Variants in CLVS1 observed in about 807,000 individuals in gnomAD.
The protein encoded by CLVS1 is clavesin 1.
CLVS1 carries 10 observed loss-of-function variants against 33.1 expected under a neutral mutation model. The observed-to-expected ratio is 0.30, with a 90% confidence interval of 0.19 to 0.51. The LOEUF is 0.51. Among genes scored for constraint, CLVS1 ranks in the 20% least tolerant of loss-of-function variants. The probability of loss-of-function intolerance (pLI) is 0.97; values close to 1 mark genes in which losing one functional copy is unlikely to be tolerated. For missense variants in CLVS1, 343 were observed against 433.4 expected (o/e 0.79, Z 1.85); for synonymous variants, 163 against 166.1 (o/e 0.98, Z 0.14).
chr8:61,473,027 T>C (rs1223799366), intron 5 of CLVS1, among the ~76,000 whole-genome samples: 1 of 152,096 alleles, frequency 6.6e-6, no homozygotes, highest in African/African-American at 2.4e-5. Flanking sequence ...ATAAGTGCTT[T>C]GAAAAGTTAA....
chr8:61,043,956 A>T, the CLVS1 span, among the ~76,000 whole-genome samples: 3 of 152,218 alleles, frequency 2.0e-5, no homozygotes, highest in Non-Finnish European at 4.4e-5. Flanking sequence ...AATACTTTGC[A>T]GCCACTTCTA....
At chr8:61,212,430 C>T (rs1426151722) in intron 2 of CLVS1, among the ~76,000 whole-genome samples, 1 of 152,166 alleles carries the variant, frequency 6.6e-6, no homozygotes, top group Non-Finnish European at 1.5e-5. Flanking sequence ...GGCTGGACTC[C>T]AGAGCGTGAA....
At chr8:61,297,683 T>C (rs1282798468) in intron 1 of CLVS1, among the ~76,000 whole-genome samples, 1 of 152,106 alleles carries the variant, frequency 6.6e-6, no homozygotes, top group Admixed American at 6.6e-5. Context: ...CGGACTGATG[T>C]TGTAGATGGC....
the CLVS1 span, among the ~76,000 whole-genome samples, chr8:60,996,852 CCTT>C: frequency 6.6e-6 from 1 of 152,144 alleles, no homozygotes; most frequent in East Asian, 1.9e-4. Flanking sequence ...TACATCCTGA[CCTT>C]CTCTGCTCTT....
chr8:61,200,294 T>G (rs1807701253), intron 2 of CLVS1, among the ~76,000 whole-genome samples: 2 of 151,726 alleles, frequency 1.3e-5, no homozygotes, highest in South Asian at 4.2e-4. Flanking sequence ...ATTTTTTTTG[T>G]AGTTTTAATA....
At chr8:61,380,227 A>C (rs1178983785) in intron 3 of CLVS1, among the ~76,000 whole-genome samples, 5 of 152,146 alleles carry the variant, frequency 3.3e-5, no homozygotes, top group Non-Finnish European at 1.5e-5. Flanking sequence ...ATTTTGGTCT[A>C]CCAGTTGTAT....
chr8:61,003,181 A>T, the CLVS1 span, among the ~76,000 whole-genome samples: 1 of 152,212 alleles, frequency 6.6e-6, no homozygotes, highest in East Asian at 1.9e-4. Flanking sequence ...TTCCTCTTGG[A>T]TCTTCTAAGC....
At chr8:61,461,507 T>A (rs1377565256) in intron 5 of CLVS1, among the ~76,000 whole-genome samples, 1 of 152,210 alleles carries the variant, frequency 6.6e-6, no homozygotes, top group Non-Finnish European at 1.5e-5. Flanking sequence ...ACAAAAATTT[T>A]TTGAACTCCA....
At chr8:61,308,464 G>T (rs1023710479) in intron 2 of CLVS1, among the ~76,000 whole-genome samples, 2 of 152,144 alleles carry the variant, frequency 1.3e-5, no homozygotes, top group African/African-American at 4.8e-5. Flanking sequence ...GTGCATGCGC[G>T]CCATGAGTCA....
intron 5 of CLVS1, among the ~76,000 whole-genome samples, chr8:61,495,069 T>C (rs1804223457): frequency 6.6e-6 from 1 of 152,220 alleles, no homozygotes; most frequent in South Asian, 2.1e-4. Flanking sequence ...TCTGGGTCTG[T>C]GCTGCCAGTA....
intron 2 of CLVS1, among the ~76,000 whole-genome samples, chr8:61,230,090 C>T (rs890275343): frequency 6.6e-6 from 1 of 151,958 alleles, no homozygotes; most frequent in African/African-American, 2.4e-5. Flanking sequence ...GCCTCAGGGT[C>T]GGGGAAGGAG....
At chr8:61,065,495 A>T (rs1053275787) in intron 1 of CLVS1, among the ~76,000 whole-genome samples, 2 of 152,236 alleles carry the variant, frequency 1.3e-5, no homozygotes, top group Non-Finnish European at 2.9e-5. Flanking sequence ...GGGAGTCTGA[A>T]TTGAGTCAGG....
At chr8:61,398,913 G>C (rs1367421402) in intron 3 of CLVS1, among the ~76,000 whole-genome samples, 1 of 152,156 alleles carries the variant, frequency 6.6e-6, no homozygotes, top group African/African-American at 2.4e-5. Context: ...AATATTCCAT[G>C]GTGCATATGT....
intron 2 of CLVS1, among the ~76,000 whole-genome samples, chr8:61,363,109 T>C (rs1184331333): frequency 6.6e-6 from 1 of 152,186 alleles, no homozygotes; most frequent in Non-Finnish European, 1.5e-5. Flanking sequence ...CATTTTTTCC[T>C]CTTTTCCCCT....
In CLVS1 at chr8:61,356,926, A is replaced by G. The variant is rs186206475; in HGVS notation, c.456-19679A>G. The stretch of plus-strand genomic sequence containing the variant: ...TTTTTTGGTTCCATATGAACTTTAA[A>G]GTAGTTTTTTCCAATTCTGTGAAGA... On this transcript the variant is annotated intron_variant, in intron 2 of 5. Coordinates refer to ENST00000325897, the MANE Select transcript of CLVS1 (RefSeq NM_173519.3). Among the ~76,000 whole-genome samples the G allele has an allele frequency of 3.4e-3, 520 of 152,286 alleles. 4 individuals carry two copies. The highest frequency in any genetic ancestry group is 0.011 in the African/African-American group (440 of 41,552).
intron 3 of CLVS1, among the ~76,000 whole-genome samples, chr8:61,423,501 C>T (rs933155256): frequency 6.6e-6 from 1 of 152,168 alleles, no homozygotes; most frequent in South Asian, 2.1e-4. Flanking sequence ...TTCCTTTTCT[C>T]ACTTAGTTAT....
the CLVS1 span, among the ~76,000 whole-genome samples, chr8:61,005,989 C>T: frequency 3.9e-5 from 6 of 152,176 alleles, no homozygotes; most frequent in Non-Finnish European, 7.3e-5. Flanking sequence ...TGTTCACTAG[C>T]TTGCAGGTCA....
intron 2 of CLVS1, among the ~76,000 whole-genome samples, chr8:61,226,757 G>T (rs1250869330): frequency 6.6e-6 from 1 of 152,140 alleles, no homozygotes; most frequent in Non-Finnish European, 1.5e-5. Context: ...AGGGAAGAGG[G>T]TCAAACTGGG....
intron 2 of CLVS1, among the ~76,000 whole-genome samples, chr8:61,331,016 A>T (rs1811573153): frequency 6.6e-6 from 1 of 152,108 alleles, no homozygotes; most frequent in African/African-American, 2.4e-5. Flanking sequence ...CAGGAGTTAG[A>T]GGCTGCAGTG....
Sources: allele counts gnomAD v4.1 joint callset (sites outside exome capture counted in the v4.1 genomes callset), GRCh38; gene constraint gnomAD v4.1.1; transcripts MANE v1.5; gene names NCBI Gene and HGNC (gene_info 2026-07-23, HGNC 2026-07-21).